Variants in LCORL observed in about 807,000 individuals in gnomAD.
LCORL encodes the protein ligand dependent nuclear receptor corepressor like.
In LCORL, 41 loss-of-function variants were observed where a neutral mutation model predicts 141.8. That is an observed-to-expected ratio of 0.29 (90% CI 0.23 to 0.38). LCORL has a LOEUF of 0.38. Among genes scored for constraint, LCORL ranks in the 10% least tolerant of loss-of-function variants. The pLI is 1.00. For synonymous variants in LCORL, 618 were observed against 694.1 expected (o/e 0.89, Z 1.72); for missense variants, 1,759 against 2,035.0 (o/e 0.86, Z 2.61).
At chr4:17,952,194 AC>A (rs1711517903) in intron 4 of LCORL, among the ~76,000 whole-genome samples, 2 of 152,186 alleles carry the variant, frequency 1.3e-5, no homozygotes, top group South Asian at 4.1e-4. Context: ...TAGAGACAGC[AC>A]AGGGAAGAAG....
chr4:17,952,467 G>A (rs1002213744), intron 4 of LCORL, among the ~76,000 whole-genome samples: 13 of 148,238 alleles, frequency 8.8e-5, no homozygotes, highest in Non-Finnish European at 1.6e-4. Flanking sequence ...CCAGGCTGGA[G>A]TGCAGTGGCG....
At chr4:17,959,681 C>CT (rs773035286) in intron 4 of LCORL, among the ~76,000 whole-genome samples, 17 of 151,916 alleles carry the variant, frequency 1.1e-4, no homozygotes, top group Non-Finnish European at 2.2e-4. Context: ...TAGAAGATTT[C>CT]TTTGTGTTTT....
chr4:17,939,234 T>A (rs1737409535), intron 4 of LCORL, among the ~76,000 whole-genome samples: 1 of 152,140 alleles, frequency 6.6e-6, no homozygotes, highest in African/African-American at 2.4e-5. Context: ...TGAGATACCA[T>A]TTCACACCCA....
intron 4 of LCORL, among the ~76,000 whole-genome samples, chr4:17,930,655 T>C (rs1025918709): frequency 6.6e-6 from 1 of 152,216 alleles, no homozygotes; most frequent in Non-Finnish European, 1.5e-5. Context: ...GTCATGACTG[T>C]CATGTATCAT....
chr4:17,985,540 G>T (rs540974937), intron 1 of LCORL, among the ~76,000 whole-genome samples: 5 of 152,136 alleles, frequency 3.3e-5, no homozygotes, highest in African/African-American at 1.2e-4. Context: ...TGCCATTTTT[G>T]ATCTTTGTTG....
chr4:17,970,119 A>C (rs1450245782), intron 2 of LCORL, among the ~76,000 whole-genome samples: 1 of 152,190 alleles, frequency 6.6e-6, no homozygotes, highest in Non-Finnish European at 1.5e-5. Flanking sequence ...GGATCCTTAG[A>C]GATACTTTGT....
At chr4:17,951,123 T>C (rs2109537340) in intron 4 of LCORL, among the ~76,000 whole-genome samples, 1 of 152,320 alleles carries the variant, frequency 6.6e-6, no homozygotes, top group Non-Finnish European at 1.5e-5. Context: ...CTAAAGCTCC[T>C]ATTTCTTTTT....
intron 4 of LCORL, among the ~76,000 whole-genome samples, chr4:17,938,918 C>T (rs984272019): frequency 2.0e-5 from 3 of 152,142 alleles, no homozygotes; most frequent in African/African-American, 7.2e-5. Context: ...GGCATCAGAA[C>T]TAACACATCT....
At chr4:17,988,213 G>T (rs1041092333) in intron 1 of LCORL, among the ~76,000 whole-genome samples, 3 of 152,152 alleles carry the variant, frequency 2.0e-5, no homozygotes, top group Admixed American at 1.3e-4. Context: ...CCAGCCATGT[G>T]GAACTGTAAG....
chr4:17,963,165 GGGA>G, intron 2 of LCORL, 116 bp from the exon 3 acceptor site: 1 of 485,164 alleles, frequency 2.1e-6, no homozygotes, highest in Non-Finnish European at 3.7e-6. Context: ...TAACAGTAAT[GGGA>G]GAAGAACTAA....
chr4:17,993,931 G>A (rs1478310480), intron 1 of LCORL, among the ~76,000 whole-genome samples: 1 of 152,170 alleles, frequency 6.6e-6, no homozygotes, highest in African/African-American at 2.4e-5. Context: ...ATTATTTTGA[G>A]GTGGGAGTGA....
At chr4:17,883,682 A>T in intron 6 of LCORL, 1 of 1,490,420 alleles carries the variant, frequency 6.7e-7, no homozygotes, top group East Asian at 2.5e-5. Context: ...AAACACACAC[A>T]CACACACACA....
intron 4 of LCORL, among the ~76,000 whole-genome samples, chr4:17,955,431 C>T (rs1379974375): frequency 1.3e-5 from 2 of 152,116 alleles, no homozygotes; most frequent in Non-Finnish European, 2.9e-5. Context: ...AATATTGTTA[C>T]TAAACACCTA....
intron 3 of LCORL, among the ~76,000 whole-genome samples, chr4:17,962,462 C>A (rs1435660275): frequency 3.3e-5 from 5 of 152,040 alleles, no homozygotes; most frequent in Non-Finnish European, 5.9e-5. Flanking sequence ...TTTCCCACCA[C>A]ACAAGAAGAT....
intron 3 of LCORL, 123 bp from the exon 4 acceptor site, chr4:17,962,155 A>C (rs1713936477): frequency 1.9e-6 from 1 of 514,372 alleles, no homozygotes; most frequent in African/African-American, 2.0e-5. Flanking sequence ...AAATTGTATC[A>C]AATTAGATAG....
At chr4:17,911,910 CGAG>C (rs1732612674) in intron 4 of LCORL, 1 of 511,660 alleles carries the variant, frequency 2.0e-6, no homozygotes, top group South Asian at 1.6e-5. Flanking sequence ...GCATCCAGAA[CGAG>C]GAGGAGACCA....
chr4:17,900,619 G>A (rs1730716348), intron 5 of LCORL, among the ~76,000 whole-genome samples: 1 of 152,100 alleles, frequency 6.6e-6, no homozygotes, highest in African/African-American at 2.4e-5. Flanking sequence ...TTAACTTCTG[G>A]AAATGAAAAG....
chr4:17,881,750 A>T, intron 6 of LCORL: 1 of 960,022 alleles, frequency 1.0e-6, no homozygotes, highest in African/African-American at 1.8e-5. Flanking sequence ...ATATTATGTA[A>T]TGCATTCAAA....
At chr4:17,935,684 G>T (rs1455550962) in intron 4 of LCORL, among the ~76,000 whole-genome samples, 1 of 152,086 alleles carries the variant, frequency 6.6e-6, no homozygotes, top group African/African-American at 2.4e-5. Context: ...AGCTCCCGGA[G>T]GCCCTCACCA....
Sources: gnomAD v4.1 joint callset for allele counts (sites outside exome capture counted in the v4.1 genomes callset) on GRCh38, gnomAD v4.1.1 for gene constraint, MANE v1.5 for transcripts, NCBI Gene and HGNC (gene_info 2026-07-23, HGNC 2026-07-21) for gene names.